Variants in KLHL8 observed in about 807,000 individuals in gnomAD.
The protein encoded by KLHL8 is kelch-like protein 8.
KLHL8 carries 38 observed loss-of-function variants against 63.5 expected under a neutral mutation model. That is an observed-to-expected ratio of 0.60 (90% confidence interval 0.46 to 0.78). The LOEUF is 0.78. KLHL8 is among the 30% of genes least tolerant of loss of function. KLHL8 has a pLI of 0.00. For synonymous variants in KLHL8, 224 were observed against 254.3 expected (o/e 0.88, Z 1.13); for missense variants, 566 against 752.4 (o/e 0.75, Z 2.90).
At chr4:87,183,451 T>C in intron 3 of KLHL8, 62 bp from the exon 4 acceptor site, 1 of 1,254,014 alleles carries the variant, frequency 8.0e-7, no homozygotes, top group Non-Finnish European at 1.1e-6. Flanking sequence ...ATATAAAGTC[T>C]AAAAATTGTA....
intron 3 of KLHL8, 55 bp downstream of exon 3, chr4:87,185,196 T>C: frequency 1.4e-6 from 2 of 1,420,876 alleles, no homozygotes; most frequent in Non-Finnish European, 1.9e-6. Context: ...ATGAAGCATG[T>C]TGATTTGCTT....
chr4:87,199,186 A>T (rs912930225), intron 1 of KLHL8, among the ~76,000 whole-genome samples: 2 of 152,192 alleles, frequency 1.3e-5, no homozygotes, highest in Non-Finnish European at 2.9e-5. Context: ...AGAACAACAA[A>T]AAAACCCTAA....
chr4:87,204,481 A>C (rs1732040228), intron 1 of KLHL8, among the ~76,000 whole-genome samples: 2 of 152,244 alleles, frequency 1.3e-5, no homozygotes, highest in Non-Finnish European at 2.9e-5. Flanking sequence ...TAGAGAAATG[A>C]ATGCTCGTGT....
intron 1 of KLHL8, among the ~76,000 whole-genome samples, chr4:87,198,697 A>G (rs1731794587): frequency 6.6e-6 from 1 of 152,236 alleles, no homozygotes. Flanking sequence ...AATGAGTAGC[A>G]CAAGAGATAC....
At chr4:87,167,705 A>G in intron 8 of KLHL8, 2 of 373,206 alleles carry the variant, frequency 5.4e-6, no homozygotes. Flanking sequence ...GATGTCTAGC[A>G]AGAAGCCCAC....
chr4:87,166,461 CT>C (rs1730402755), intron 8 of KLHL8, among the ~76,000 whole-genome samples: 1 of 152,182 alleles, frequency 6.6e-6, no homozygotes, highest in Non-Finnish European at 1.5e-5. Flanking sequence ...CACAATATAG[CT>C]AATCATGTAC....
chr4:87,239,350 C>T (rs1460121421), intron 1 of KLHL8, among the ~76,000 whole-genome samples: 1 of 152,118 alleles, frequency 6.6e-6, no homozygotes, highest in East Asian at 1.9e-4. Context: ...GGAAAGGAGA[C>T]CCCAGGGAGA....
intron 1 of KLHL8, among the ~76,000 whole-genome samples, chr4:87,238,517 C>T (rs1203788734): frequency 6.6e-6 from 1 of 152,040 alleles, no homozygotes; most frequent in Non-Finnish European, 1.5e-5. Context: ...CCCTGTCACA[C>T]ACACAAAAAA....
rs1289381843 is a variant in KLHL8 at position 87,161,687 on chromosome 4, A to C, written c.*1832T>G. The C allele has an allele frequency of 6.6e-6, 1 of 152,222 alleles. No homozygotes were observed. Among genetic ancestry groups the C allele is most frequent in the African/African-American group, 2.4e-5 (1 of 41,448 alleles). The allele number at this position is 152,222 out of a possible 1,614,324, so 9.4% of individuals were successfully genotyped here. On this transcript the variant is annotated 3_prime_UTR_variant, in exon 10 of 10. Coordinates refer to ENST00000273963, the MANE Select transcript of KLHL8 (RefSeq NM_020803.5). ...CATTAGACATAAGAAATAGACATTG[A>C]AGCCAGGTTTTGACACTTATTCTCC...
In KLHL8 at chr4:87,165,383, G is replaced by A. The variant is rs111911766; in HGVS notation, c.1538-1304C>T. Among the ~76,000 whole-genome samples the A allele has an allele frequency of 7.2e-3, 1,094 of 151,772 alleles. 9 individuals carry two copies. Among genetic ancestry groups the A allele is most frequent in the African/African-American group, 0.025 (1,042 of 41,406 alleles). On this transcript the variant is annotated intron_variant, in intron 8 of 9. Transcript: ENST00000273963. ...TTGCTCATGCTAATGTAGATTAAGG[G>A]TTTTTTTAAATTTTTGTTTTGTTTT... is the stretch of plus-strand genomic sequence containing the variant.
rs550976700 is a variant in KLHL8, at chr4:87,162,551, T to C, written c.*968A>G. On this transcript the variant is annotated 3_prime_UTR_variant, in exon 10 of 10. Coordinates refer to ENST00000273963, the MANE Select transcript of KLHL8 (RefSeq NM_020803.5). The stretch of plus-strand genomic sequence containing the variant: ...AAATGCATTCATTTCTGATAATAAA[T>C]AAATGCAGATTGATTCTGTACAGTC... 35 of 152,278 alleles carry C rather than the reference T, an allele frequency of 2.3e-4. No individual in the cohort carries two copies. The highest frequency in any genetic ancestry group is 2.1e-3 in the Admixed American group (32 of 15,298). 9.4% of individuals were successfully genotyped at this position (152,278 alleles called of 1,614,324 possible). A position where few individuals can be genotyped will look rare whatever the true frequency, so the allele number is the denominator to read the frequency against.
intron 1 of KLHL8, among the ~76,000 whole-genome samples, chr4:87,206,196 T>C (rs1263204825): frequency 2.0e-5 from 3 of 152,178 alleles, no homozygotes; most frequent in African/African-American, 4.8e-5. Context: ...TTCTCTCTCA[T>C]TGTACTCCAG....
chr4:87,230,391 TGGA>T (rs1225835683), intron 1 of KLHL8, among the ~76,000 whole-genome samples: 1 of 152,044 alleles, frequency 6.6e-6, no homozygotes, highest in African/African-American at 2.4e-5. Context: ...CCAATCAAGG[TGGA>T]GAAGGGTGAA....
intron 2 of KLHL8, among the ~76,000 whole-genome samples, chr4:87,189,852 A>T (rs547479127): frequency 2.0e-5 from 3 of 150,502 alleles, no homozygotes; most frequent in Non-Finnish European, 4.4e-5. Context: ...ACATGGTGAA[A>T]CCCCGTCTAT....
rs1731655055 is a variant in KLHL8 at position 87,195,422 on chromosome 4, C to A, written c.118G>T (p.Asp40Tyr). 1.9e-6 allele frequency: 3 copies of A among 1,613,872 alleles called. No homozygotes were observed. The highest frequency in any genetic ancestry group is 1.7e-6 in the Non-Finnish European group (2 of 1,179,876). Residue 40 changes from aspartate to tyrosine, a missense_variant, in exon 2 of 10, where the codon GAT (aspartate) becomes TAT (tyrosine). By Grantham distance (160) the Asp-to-Tyr change is radical. Transcript: ENST00000273963. Reference protein sequence around the residue: ...RSSISDGDGEDSFIFEANEAW... With the variant: ...RSSISDGDGEYSFIFEANEAW... ...TCATTTGCTTCAAAAATAAAGGAAT[C>A]TTCTCCATCACCATCACTAATTGAG...
intron 2 of KLHL8, among the ~76,000 whole-genome samples, chr4:87,191,452 A>G (rs1057364457): frequency 2.6e-5 from 4 of 152,184 alleles, no homozygotes; most frequent in Non-Finnish European, 1.5e-5. Context: ...ACAGAGCAAG[A>G]CCTTGTCTCA....
chr4:87,184,754 A>G (rs953679910), intron 3 of KLHL8, among the ~76,000 whole-genome samples: 2 of 152,130 alleles, frequency 1.3e-5, no homozygotes, highest in Admixed American at 1.3e-4. Context: ...TAACAATGAG[A>G]CACATTTCTG....
intron 1 of KLHL8, among the ~76,000 whole-genome samples, chr4:87,231,512 A>C (rs556488710): frequency 4.7e-4 from 71 of 152,224 alleles, no homozygotes; most frequent in African/African-American, 1.7e-3. Context: ...TGTTCACCCC[A>C]CCTGTGAACA....
At chr4:87,226,966 A>C (rs1239973496) in intron 1 of KLHL8, among the ~76,000 whole-genome samples, 1 of 57,160 alleles carries the variant, frequency 1.7e-5, no homozygotes, top group East Asian at 3.8e-4. Flanking sequence ...AGTAATATAT[A>C]TTATATATAA....
Sources: allele counts gnomAD v4.1 joint callset (sites outside exome capture counted in the v4.1 genomes callset), GRCh38; gene constraint gnomAD v4.1.1; transcripts MANE v1.5; gene names NCBI Gene and HGNC (gene_info 2026-07-23, HGNC 2026-07-21).